FCRL1: variants seen among roughly 807,000 people sequenced by gnomAD.
The protein encoded by FCRL1 is Fc receptor like 1, also known as Fc receptor-like protein 1.
Under a neutral mutation model 49.2 loss-of-function variants are expected in FCRL1, and 34 were observed. The ratio of observed to expected loss-of-function variants is 0.69; its 90% CI spans 0.53 to 0.92. FCRL1 has a LOEUF of 0.92. FCRL1 is among the 40% of genes least tolerant of loss of function. The pLI, the probability that FCRL1 is intolerant of heterozygous loss-of-function variation, is 0.00. For missense variants in FCRL1, 524 were observed against 524.1 expected (o/e 1.00, Z 0.00); for synonymous variants, 218 against 201.6 (o/e 1.08, Z -0.69).
chr1:157,796,228 TC>T (rs1323017396), intron 10 of FCRL1, 58 bp from the exon 11 acceptor site: 1 of 1,380,990 alleles, frequency 7.2e-7, no homozygotes, highest in Admixed American at 1.7e-5. Context: ...CCTCCACTGG[TC>T]CCCTTCCCCA....
In FCRL1 at chr1:157,802,057, G is replaced by A; in HGVS notation, c.744C>T (p.Thr248=). 6.2e-7 allele frequency: 1 copy of A among 1,614,194 alleles called. No individual in the cohort carries two copies. The highest frequency in any genetic ancestry group is 8.5e-7 in the Non-Finnish European group (1 of 1,180,038). Residue 248 remains threonine, a synonymous_variant, in exon 5 of 11, where the codon ACC becomes ACT. Coordinates refer to ENST00000368176, the MANE Select transcript of FCRL1 (RefSeq NM_052938.5). Reference sequence around the variant, plus strand: ...CAGAGGGGGCCGACCTGCTCCCCAGGGTGATATCCTCGTGATAAAACCAGT... The same window carrying A: ...CAGAGGGGGCCGACCTGCTCCCCAGAGTGATATCCTCGTGATAAAACCAGT... ...ILYWFYHEDI[T]LGSRSAPSGG...
intron 1 of FCRL1, among the ~76,000 whole-genome samples, chr1:157,810,972 G>T (rs1654241344): frequency 6.6e-6 from 1 of 151,942 alleles, no homozygotes; most frequent in South Asian, 2.1e-4. Context: ...GTAGAGACAA[G>T]ATTTTGCTAT....
intron 1 of FCRL1, among the ~76,000 whole-genome samples, chr1:157,819,495 T>A (rs545204906): frequency 6.6e-6 from 1 of 152,056 alleles, no homozygotes; most frequent in South Asian, 2.1e-4. Flanking sequence ...AAAGTAGCCC[T>A]GGGGTAATTG....
intron 1 of FCRL1, among the ~76,000 whole-genome samples, chr1:157,816,408 A>G (rs1034227299): frequency 2.0e-5 from 3 of 151,870 alleles, no homozygotes; most frequent in Non-Finnish European, 4.4e-5. Context: ...TACGTTAAAA[A>G]CTCTCAGAAA....
intron 7 of FCRL1, among the ~76,000 whole-genome samples, chr1:157,798,952 T>G (rs958881217): frequency 6.6e-6 from 1 of 152,158 alleles, no homozygotes; most frequent in Non-Finnish European, 1.5e-5. Flanking sequence ...AAATATTGGT[T>G]GACTGATTGA....
intron 1 of FCRL1, among the ~76,000 whole-genome samples, chr1:157,808,196 A>G (rs1653767656): frequency 6.6e-6 from 1 of 152,154 alleles, no homozygotes; most frequent in Admixed American, 6.5e-5. Flanking sequence ...ATGGGAGTAA[A>G]CATGAATGAC....
chr1:157,802,636 C>T lies in FCRL1; in HGVS notation c.348G>A (p.Glu116=). ...TCACCTGTCCTCCTGGGGGCTGAGT[C>T]TCCAAGCTCACATCAGCGACAGGGA... ...HRVPVADVSL[E]TQPPGGQVME... is the part of the protein sequence containing the mutation. Residue 116 remains glutamate (E), a synonymous_variant, in exon 4 of 11, where the codon GAG becomes GAA. Coordinates refer to ENST00000368176, the MANE Select transcript of FCRL1 (RefSeq NM_052938.5). 2.5e-6 allele frequency: 4 copies of T among 1,613,814 alleles called. No individual in the cohort carries two copies. The highest frequency in any genetic ancestry group is 3.4e-6 in the Non-Finnish European group (4 of 1,179,832).
chr1:157,820,044 C>T lies in FCRL1; in HGVS notation c.-7G>A. The T allele has an allele frequency of 6.2e-7, 1 of 1,614,096 alleles. No individual in the cohort carries two copies. The highest frequency in any genetic ancestry group is 8.5e-7 in the Non-Finnish European group (1 of 1,180,016). ...GCAACAGCCTCGGCAGCATGAGGAC[C>T]AGGTCAGGGATGGTACCTAGAGATG... is the stretch of plus-strand genomic sequence containing the variant. On this transcript the variant is annotated 5_prime_UTR_variant, in exon 1 of 11. Coordinates refer to ENST00000368176, the MANE Select transcript of FCRL1 (RefSeq NM_052938.5).
chr1:157,804,221 C>T, intron 2 of FCRL1, 110 bp from the exon 3 acceptor site: 1 of 1,334,516 alleles, frequency 7.5e-7, no homozygotes, highest in Non-Finnish European at 1.0e-6. Context: ...GCCAGTTGGA[C>T]ACACAGGCCA....
intron 1 of FCRL1, among the ~76,000 whole-genome samples, chr1:157,811,019 G>A (rs1233683377): frequency 1.3e-5 from 2 of 152,074 alleles, no homozygotes; most frequent in Non-Finnish European, 2.9e-5. Flanking sequence ...GATGTCAAGC[G>A]ATCCTCCCGC....
At chr1:157,797,475 G>A (rs576024956) in intron 9 of FCRL1, among the ~76,000 whole-genome samples, 35 of 147,826 alleles carry the variant, frequency 2.4e-4, no homozygotes, top group Non-Finnish European at 4.3e-4. Context: ...AAAGAGGGCA[G>A]GCAGAAGCCA....
At chr1:157,804,176 T>C (rs1215443669) in intron 2 of FCRL1, 65 bp from the exon 3 acceptor site, 81 of 1,577,818 alleles carry the variant, frequency 5.1e-5, no homozygotes, top group Middle Eastern at 2.0e-4. Context: ...AGGCAGTTTG[T>C]GTCTCAGCAC....
intron 7 of FCRL1, among the ~76,000 whole-genome samples, chr1:157,799,687 T>C (rs1349536649): frequency 6.6e-6 from 1 of 152,056 alleles, no homozygotes; most frequent in African/African-American, 2.4e-5. Context: ...ATATACCTAA[T>C]GCTAAATGAC....
rs765261558 is a variant in FCRL1 at position 157,802,539 on chromosome 1, T to G, written c.445A>C (p.Lys149Gln). The change falls in exon 4 of 11, where the codon AAA (lysine) becomes CAA (glutamine). Residue 149 changes from lysine to glutamine, a missense_variant. Transcript: ENST00000368176. ...GTGDITFLWY[K>Q]GAVGLNLQSK... ...TGAAGGTTTAAACCTACAGCCCCTT[T>G]GTACCAAAGGAAGGTGATGTCTCCT... The G allele has an allele frequency of 6.2e-7, 1 of 1,614,168 alleles. No individual in the cohort carries two copies. The highest frequency in any genetic ancestry group is 8.5e-7 in the Non-Finnish European group (1 of 1,180,022).
chr1:157,814,742 T>C (rs1654802718), intron 1 of FCRL1, among the ~76,000 whole-genome samples: 1 of 151,778 alleles, frequency 6.6e-6, no homozygotes, highest in Non-Finnish European at 1.5e-5. Context: ...TGTAAGGACA[T>C]ACATAAACAG....
At position 157,797,866 on chromosome 1, in the gene FCRL1, A is replaced by ACCTGCTACTGATT; in HGVS notation, c.1175_1186+1dup. ...AGACAAATTTACTCCCCCATGTCTC[A>ACCTGCTACTGATT]CCTGCTACTGATTCCTGCTCCGGCT... On this transcript the variant is annotated splice_donor_variant, in intron 9 of 10. Transcript: ENST00000368176. LOFTEE classifies it high-confidence loss of function. The ACCTGCTACTGATT allele has an allele frequency of 6.2e-7, 1 of 1,614,158 alleles. No homozygotes were observed. Among genetic ancestry groups the ACCTGCTACTGATT allele is most frequent in the South Asian group, 1.1e-5 (1 of 91,082 alleles).
chr1:157,810,920 A>C (rs1030570837), intron 1 of FCRL1, among the ~76,000 whole-genome samples: 1 of 152,058 alleles, frequency 6.6e-6, no homozygotes, highest in East Asian at 1.9e-4. Context: ...GACTACAGGC[A>C]TGTGCCACAA....
At position 157,802,097 on chromosome 1, in the gene FCRL1, G is replaced by C. The variant is rs781050113; in HGVS notation, c.704C>G (p.Ser235Cys). ...LELHCEALRG[S>C]PPILYWFYHE... is the part of the protein sequence containing the mutation. ...ATAAAACCAGTACAGGATCGGAGGA[G>C]AGCCTCTCAGGGCCTCACAGTGAAG... The change falls in exon 5 of 11, where the codon TCT becomes TGT. Residue 235 changes from serine to cysteine, a missense_variant. Ser to Cys is a moderately radical substitution (Grantham distance 112). Coordinates refer to ENST00000368176, the MANE Select transcript of FCRL1 (RefSeq NM_052938.5). 3 of 1,614,220 alleles carry C rather than the reference G, an allele frequency of 1.9e-6. No homozygotes were observed. The highest frequency in any genetic ancestry group is 1.3e-5 in the African/African-American group (1 of 75,060).
chr1:157,799,637 T>C (rs1189738622), intron 7 of FCRL1, among the ~76,000 whole-genome samples: 2 of 151,870 alleles, frequency 1.3e-5, no homozygotes, highest in Non-Finnish European at 2.9e-5. Context: ...CCGGGGACTG[T>C]TGTGGGGTGC....
Sources: allele counts gnomAD v4.1 joint callset (sites outside exome capture counted in the v4.1 genomes callset), GRCh38; gene constraint gnomAD v4.1.1; transcripts MANE v1.5; gene names NCBI Gene and HGNC (gene_info 2026-07-23, HGNC 2026-07-21).